SIRPB1: variants seen among roughly 807,000 people sequenced by gnomAD.
SIRPB1 encodes signal regulatory protein beta 1, also known as signal-regulatory protein beta-1.
In SIRPB1, 28 loss-of-function variants were observed where a neutral mutation model predicts 34.1. The ratio of observed to expected loss-of-function variants is 0.82; its 90% CI spans 0.61 to 1.12. The LOEUF (loss-of-function observed/expected upper bound fraction) is 1.12. Among genes scored for constraint, SIRPB1 ranks in the 50% most tolerant of loss-of-function variants. The pLI, the probability that SIRPB1 is intolerant of heterozygous loss-of-function variation, is 0.00. For missense variants in SIRPB1, 499 were observed against 507.0 expected (o/e 0.98, Z 0.15); for synonymous variants, 211 against 203.8 (o/e 1.04, Z -0.30).
At position 1,587,172 on chromosome 20, in the gene SIRPB1, G is replaced by A. The variant is rs1378839980; in HGVS notation, c.77-8478C>T. On this transcript the variant is annotated intron_variant, in intron 1 of 5. Transcript: ENST00000381605. ...GCCTGCCTCCCCATTTGCAAATAGGGAATATGAGTTGTAGCTTTCACACAG... is the reference window on the plus strand; with the variant it reads ...GCCTGCCTCCCCATTTGCAAATAGGAAATATGAGTTGTAGCTTTCACACAG... Among the ~76,000 whole-genome samples, 4 of 49,228 alleles carry A rather than the reference G, an allele frequency of 8.1e-5. 2 individuals carry two copies. The highest frequency in any genetic ancestry group is 1.6e-4 in the Non-Finnish European group (4 of 25,462). 32.3% of individuals were successfully genotyped at this position (49,228 alleles called of 152,430 possible).
At position 1,619,921 on chromosome 20, in the gene SIRPB1, G is replaced by A; in HGVS notation, c.24C>T (p.Pro8=). Residue 8 remains proline (P), a synonymous_variant, in exon 1 of 6, where the codon CCC becomes CCT. Transcript: ENST00000381605. ...TCAGCAGGAAAGGACTAGGAAGGTG[G>A]GGCCAGGAGGCTGGCACGGGCATTC... MPVPASW[P]HLPSPFLLMT... The A allele has an allele frequency of 6.2e-7, 1 of 1,613,892 alleles. No homozygotes were observed.
intron 1 of SIRPB1, among the ~76,000 whole-genome samples, chr20:1,617,383 A>T (rs2091645128): frequency 6.6e-6 from 1 of 152,216 alleles, no homozygotes; most frequent in Non-Finnish European, 1.5e-5. Context: ...TATCATTTCC[A>T]ACAATATAAA....
rs374129898 is a variant in SIRPB1 at position 1,578,423 on chromosome 20, G to C, written c.348C>G (p.Gly116=). 6.3e-7 allele frequency: 1 copy of C among 1,584,924 alleles called. No homozygotes were observed. Among genetic ancestry groups the C allele is most frequent in the Non-Finnish European group, 8.6e-7 (1 of 1,158,492 alleles). The part of the protein sequence containing the change: ...SISNITPADA[G]TYYCVKFRKG... ...TCCGGAACTTCACACAGTAGTAGGT[G>C]CCGGCGTCTGCTGGGGTGATGTTAC... The change falls in exon 2 of 6, where the codon GGC becomes GGG. Residue 116 remains glycine, a synonymous_variant. Coordinates refer to ENST00000381605, the MANE Select transcript of SIRPB1 (RefSeq NM_006065.5).
intron 1 of SIRPB1, chr20:1,603,889 G>A (rs1568699633): frequency 1.6e-6 from 1 of 609,094 alleles, no homozygotes; most frequent in Non-Finnish European, 2.2e-6. Flanking sequence ...CTGGCTGCCC[G>A]TCATGCTCCA....
chr20:1,615,195 C>T (rs990589523), intron 1 of SIRPB1, among the ~76,000 whole-genome samples: 2 of 152,186 alleles, frequency 1.3e-5, no homozygotes, highest in East Asian at 3.8e-4. Context: ...ATAAAAGTAT[C>T]TCTTCTCTGT....
chr20:1,611,557 A>T lies in SIRPB1; in HGVS notation c.76+8312T>A, dbSNP rs759333838. 4.8e-6 allele frequency: 5 copies of T among 1,036,970 alleles called. 1 individual carries two copies. The South Asian group carries it at 8.7e-5, about 18-fold the overall frequency. 64.2% of individuals were successfully genotyped at this position (1,036,970 alleles called of 1,614,324 possible). A position where few individuals can be genotyped will look rare whatever the true frequency, so the allele number is the denominator to read the frequency against. On this transcript the variant is annotated intron_variant, in intron 1 of 5. Transcript: ENST00000381605. ...GAAGTGGCCTTCTTTCTGATTGTAG[A>T]TTAATTCCCGGCCTGGTCCAGCTCC... is the stretch of plus-strand genomic sequence containing the variant.
intron 1 of SIRPB1, chr20:1,611,684 T>C (rs1341420985): frequency 1.9e-6 from 2 of 1,073,424 alleles, no homozygotes; most frequent in East Asian, 6.2e-5. Context: ...TCAGGCTGAA[T>C]CACCTGCAGC....
intron 2 of SIRPB1, among the ~76,000 whole-genome samples, chr20:1,574,508 G>T (rs1159175383): frequency 1.2e-5 from 1 of 85,400 alleles, no homozygotes; most frequent in African/African-American, 4.3e-5. Context: ...GGCATTTTAG[G>T]GGGGTTCCTG....
rs751881457 is a variant in SIRPB1 at position 1,562,603 on chromosome 20, AT to A, written c.*2896del. ...TCTCAAAATTTAGGTGCCATAGTAA[AT>A]TTAATGTAATTTGCATAGAGTACAA... On this transcript the variant is annotated 3_prime_UTR_variant, in exon 6 of 6. Coordinates refer to ENST00000381605, the MANE Select transcript of SIRPB1 (RefSeq NM_006065.5). Among the ~76,000 whole-genome samples, 1 of 152,184 alleles carries A rather than the reference AT, an allele frequency of 6.6e-6. No individual in the cohort carries two copies. The highest frequency in any genetic ancestry group is 1.9e-4 in the East Asian group (1 of 5,202).
rs1730541508 is a variant in SIRPB1, at chr20:1,592,799, G to A, written c.77-14105C>T. ...TAGAAAGTGTGTTGTCACTACAAACGTCCAAATTTATTTAATGGTATACAG... is the reference window on the plus strand; with the variant it reads ...TAGAAAGTGTGTTGTCACTACAAACATCCAAATTTATTTAATGGTATACAG... On this transcript the variant is annotated intron_variant, in intron 1 of 5. Transcript: ENST00000381605. 4.1e-5 allele frequency among the ~76,000 whole-genome samples: 2 copies of A among 49,066 alleles called. 1 individual carries two copies. The allele number at this position is 49,066 out of a possible 152,430, so 32.2% of individuals were successfully genotyped here. A position where few individuals can be genotyped will look rare whatever the true frequency, so the allele number is the denominator to read the frequency against.
Position 1,578,584 on chromosome 20 carries a change from C to T in SIRPB1, c.187G>A (p.Gly63Arg). The change falls in exon 2 of 6, where the codon GGG (glycine) becomes AGG (arginine). Residue 63 changes from glycine to arginine, a missense_variant. Physicochemically the swap from Gly to Arg is moderately radical, Grantham distance 125. Coordinates refer to ENST00000381605, the MANE Select transcript of SIRPB1 (RefSeq NM_006065.5). Reference protein sequence around the residue: ...RCAMTSLIPVGPIMWFRGAGA... With the variant: ...RCAMTSLIPVRPIMWFRGAGA... ...GCTCCTCTAAACCACATGATGGGCC[C>T]CACAGGGATCAGGGACGTCATAGCA... The T allele has an allele frequency of 1.3e-6, 2 of 1,584,084 alleles. No homozygotes were observed. The highest frequency in any genetic ancestry group is 2.2e-5 in the East Asian group (1 of 44,864).
At chr20:1,613,567 T>G (rs1292432914) in intron 1 of SIRPB1, among the ~76,000 whole-genome samples, 1 of 151,800 alleles carries the variant, frequency 6.6e-6, no homozygotes, top group Non-Finnish European at 1.5e-5. Flanking sequence ...AACAGAAACT[T>G]AGGAATTGAA....
rs1175417137 is a variant in SIRPB1 at position 1,595,661 on chromosome 20, C to T, written c.77-16967G>A. Among the ~76,000 whole-genome samples, 5 of 48,812 alleles carry T rather than the reference C, an allele frequency of 1.0e-4. 1 individual carries two copies. Among genetic ancestry groups the T allele is most frequent in the Admixed American group, 6.8e-4 (5 of 7,330 alleles). 32.0% of individuals were successfully genotyped at this position (48,812 alleles called of 152,430 possible). A position where few individuals can be genotyped will look rare whatever the true frequency, so the allele number is the denominator to read the frequency against. On this transcript the variant is annotated intron_variant, in intron 1 of 5. Coordinates refer to ENST00000381605, the MANE Select transcript of SIRPB1 (RefSeq NM_006065.5). ...TGCTCTATGTCCCAGAGACTCTTAC[C>T]TCATGCCAGGGGTCCCATGACCCTT...
chr20:1,578,802 C>T lies in SIRPB1; in HGVS notation c.77-108G>A. The T allele has an allele frequency of 5.3e-6, 5 of 946,152 alleles. 2 individuals carry two copies. The highest frequency in any genetic ancestry group is 4.8e-5 in the African/African-American group (3 of 62,094). The allele number at this position is 946,152 out of a possible 1,614,324, so 58.6% of individuals were successfully genotyped here. A position where few individuals can be genotyped will look rare whatever the true frequency, so the allele number is the denominator to read the frequency against. ...TGACTGGGTGCACACCAGGAAAAGG[C>T]CTTGAGCTCAGCCCACTACATGTAT... On this transcript the variant is annotated intron_variant, in intron 1 of 5. Coordinates refer to ENST00000381605, the MANE Select transcript of SIRPB1 (RefSeq NM_006065.5).
At chr20:1,572,678 G>A (rs560183298) in intron 2 of SIRPB1, among the ~76,000 whole-genome samples, 49 of 151,718 alleles carry the variant, frequency 3.2e-4, no homozygotes, top group Admixed American at 9.8e-4. Context: ...GATACACAGA[G>A]GTCTCTCTTT....
chr20:1,618,321 C>T (rs368066338), intron 1 of SIRPB1, among the ~76,000 whole-genome samples: 7 of 152,290 alleles, frequency 4.6e-5, no homozygotes, highest in Non-Finnish European at 5.9e-5. Flanking sequence ...TAGCATAACA[C>T]GACTAAAAGA....
rs1301418467 is a variant in SIRPB1, at chr20:1,561,393, CAAAGTTCATAGTTTATTTAGAT to C, written c.*4085_*4106del. On this transcript the variant is annotated 3_prime_UTR_variant, in exon 6 of 6. Coordinates refer to ENST00000381605, the MANE Select transcript of SIRPB1 (RefSeq NM_006065.5). ...CCAATATTGATACATTATGATTAAT[CAAAGTTCATAGTTTATTTAGAT>C]CTTTTCTTTTTACCTAATGTCGTTT... 2.0e-5 allele frequency among the ~76,000 whole-genome samples: 2 copies of C among 99,626 alleles called. No individual in the cohort carries two copies. The highest frequency in any genetic ancestry group is 1.8e-4 in the Admixed American group (2 of 11,070). The allele number at this position is 99,626 out of a possible 152,430, so 65.4% of individuals were successfully genotyped here. A position where few individuals can be genotyped will look rare whatever the true frequency, so the allele number is the denominator to read the frequency against.
At chr20:1,615,629 G>A (rs1431661702) in intron 1 of SIRPB1, among the ~76,000 whole-genome samples, 2 of 152,170 alleles carry the variant, frequency 1.3e-5, no homozygotes, top group African/African-American at 4.8e-5. Context: ...TATACACAAT[G>A]AGCAAGTGGT....
Position 1,566,261 on chromosome 20 carries a change from G to A in SIRPB1, c.1091C>T (p.Ala364Val), listed in dbSNP as rs148162147. ...GAGGAGTGGAGCAGTAGGAGCCAGC[G>A]CTGCTTCTGGAAATCAGGGAAGAGG... ...EHGSDITHEAALAPTAPLLVA... is the reference protein window; with the variant it reads ...EHGSDITHEAVLAPTAPLLVA... The change falls in exon 5 of 6, where the codon GCG (alanine) becomes GTG (valine). Residue 364 changes from alanine (A) to valine (V), a missense_variant. Physicochemically the swap from Ala to Val is moderately conservative, Grantham distance 64. Coordinates refer to ENST00000381605, the MANE Select transcript of SIRPB1 (RefSeq NM_006065.5). 76 of 1,598,414 alleles carry A rather than the reference G, an allele frequency of 4.8e-5. No individual in the cohort carries two copies. Among genetic ancestry groups the A allele is most frequent in the African/African-American group, 1.7e-4 (13 of 74,920 alleles).
Sources: allele counts gnomAD v4.1 joint callset (sites outside exome capture counted in the v4.1 genomes callset), GRCh38; gene constraint gnomAD v4.1.1; transcripts MANE v1.5; gene names NCBI Gene and HGNC (gene_info 2026-07-23, HGNC 2026-07-21).